CCDC144A: variants seen among roughly 807,000 people sequenced by gnomAD.
CCDC144A encodes coiled-coil domain-containing protein 144A.
A neutral mutation model predicts 143.8 loss-of-function variants in CCDC144A; 41 were observed. The ratio of observed to expected loss-of-function variants is 0.29; its 90% CI spans 0.22 to 0.37. CCDC144A has a LOEUF of 0.37. CCDC144A is among the 10% of genes least tolerant of loss of function. CCDC144A has a pLI of 1.00. For synonymous variants in CCDC144A, 242 were observed against 517.9 expected, an observed-to-expected ratio of 0.47 and a Z score of 7.23; for missense variants, 637 against 1,488.8, an observed-to-expected ratio of 0.43 and a Z score of 9.41.
At chr17:16,768,363 G>A (rs1915694849) in intron 15 of CCDC144A, among the ~76,000 whole-genome samples, 2 of 151,816 alleles carry the variant, frequency 1.3e-5, no homozygotes, top group South Asian at 4.2e-4. Context: ...ATACTTTAAG[G>A]CCCAGGGAAG....
chr17:16,718,603 A>T (rs1161415911), intron 6 of CCDC144A, among the ~76,000 whole-genome samples: 2 of 150,640 alleles, frequency 1.3e-5, no homozygotes, highest in Non-Finnish European at 3.0e-5. Context: ...TATCATATGC[A>T]GATTGTTTTT....
chr17:16,726,806 G>A (rs1276125845), intron 8 of CCDC144A, among the ~76,000 whole-genome samples: 8 of 149,382 alleles, frequency 5.4e-5, no homozygotes, highest in South Asian at 2.2e-4. Flanking sequence ...GTTCTGTTTC[G>A]TGATCTCTGT....
intron 15 of CCDC144A, chr17:16,767,294 CAA>C (rs765969718): frequency 2.4e-4 from 23 of 95,334 alleles, no homozygotes; most frequent in African/African-American, 3.6e-4. Flanking sequence ...GACTCCATCT[CAA>C]AAAAAAAAAA....
Position 16,699,000 on chromosome 17 carries a change from C to T in CCDC144A, c.415+5951C>T, listed in dbSNP as rs567488219. ...GTGCAGTTCCCTTTTCATTTACCCT[C>T]TTGTGATATTTCTGCTTTTACTGCT... On this transcript the variant is annotated intron_variant, in intron 2 of 16. Transcript: ENST00000399273. Among the ~76,000 whole-genome samples the T allele has an allele frequency of 5.3e-5, 8 of 152,308 alleles. No individual in the cohort carries two copies. The South Asian group carries it at 1.7e-3, about 32-fold the overall frequency.
At chr17:16,690,777 C>T (rs552448758) in intron 1 of CCDC144A, 33 bp downstream of exon 1, 3 of 1,554,874 alleles carry the variant, frequency 1.9e-6, no homozygotes, top group African/African-American at 1.4e-5. Flanking sequence ...GCCGTCCTGT[C>T]GGGGACACTG....
Position 16,690,721 on chromosome 17 carries a change from G to T in CCDC144A, c.321G>T (p.Val107=), listed in dbSNP as rs766805385. ...EHILAPGDTG[V]DKRDRKKSIQ... ...TCTTAGCTCCTGGAGACACTGGCGTGGACAAGAGGGATAGGAAGAAGAGGT... is the reference window on the plus strand; with the variant it reads ...TCTTAGCTCCTGGAGACACTGGCGTTGACAAGAGGGATAGGAAGAAGAGGT... The change falls in exon 1 of 17, where the codon GTG becomes GTT. Residue 107 remains valine (V), a synonymous_variant. Transcript: ENST00000399273. 3 of 1,608,288 alleles carry T rather than the reference G, an allele frequency of 1.9e-6. No homozygotes were observed. The highest frequency in any genetic ancestry group is 2.6e-6 in the Non-Finnish European group (3 of 1,175,568).
intron 2 of CCDC144A, among the ~76,000 whole-genome samples, chr17:16,703,699 G>A (rs1172015361): frequency 6.6e-6 from 1 of 151,982 alleles, no homozygotes; most frequent in Admixed American, 6.6e-5. Flanking sequence ...AGCTACTCGG[G>A]ACGCTGAGGC....
intron 8 of CCDC144A, chr17:16,727,273 T>C: frequency 2.8e-6 from 1 of 352,708 alleles, no homozygotes; most frequent in South Asian, 2.8e-5. Flanking sequence ...ATCATAGAAC[T>C]CTGTTTTCTT....
intron 1 of CCDC144A, among the ~76,000 whole-genome samples, chr17:16,691,408 AT>A (rs1208396164): frequency 6.6e-6 from 1 of 152,076 alleles, no homozygotes; most frequent in African/African-American, 2.4e-5. Flanking sequence ...AGTCTCAAGT[AT>A]GTTAGTTGGA....
At chr17:16,740,216 A>T (rs966303663) in intron 12 of CCDC144A, among the ~76,000 whole-genome samples, 7 of 152,138 alleles carry the variant, frequency 4.6e-5, no homozygotes, top group African/African-American at 1.7e-4. Flanking sequence ...ATCATGTTGC[A>T]GTTTACAGTT....
At chr17:16,724,619 C>T (rs1913288072) in intron 8 of CCDC144A, among the ~76,000 whole-genome samples, 1 of 150,914 alleles carries the variant, frequency 6.6e-6, no homozygotes, top group Non-Finnish European at 1.5e-5. Flanking sequence ...GTGCTCCATT[C>T]TTGCTGATTT....
the CCDC144A span, among the ~76,000 whole-genome samples, chr17:16,669,918 G>A: frequency 0.12 from 18,658 of 152,110 alleles, 1,305 homozygotes; most frequent in East Asian, 0.32. Context: ...GGCCAGGCCC[G>A]GTGGCTATAA....
chr17:16,682,429 C>G, the CCDC144A span, among the ~76,000 whole-genome samples: 1 of 151,910 alleles, frequency 6.6e-6, no homozygotes. Context: ...GACTGACACC[C>G]AAGTGAAGAA....
chr17:16,712,697 A>G (rs1217858663), intron 6 of CCDC144A, among the ~76,000 whole-genome samples: 4 of 152,204 alleles, frequency 2.6e-5, no homozygotes, highest in African/African-American at 9.6e-5. Context: ...GAAGTTGGAG[A>G]TAGTCTAAAT....
intron 2 of CCDC144A, among the ~76,000 whole-genome samples, chr17:16,703,701 C>G (rs7342865): frequency 0.014 from 2,044 of 150,122 alleles, 48 homozygotes; most frequent in African/African-American, 0.039. Flanking sequence ...CTACTCGGGA[C>G]GCTGAGGCAG....
At chr17:16,714,131 C>G (rs866200136) in intron 6 of CCDC144A, among the ~76,000 whole-genome samples, 39 of 152,320 alleles carry the variant, frequency 2.6e-4, no homozygotes, top group Middle Eastern at 3.4e-3. Context: ...TCCTGCCTTT[C>G]CAGTCCATCT....
At chr17:16,689,405 GCTGGCCTCAAACTC>G (rs1020801472), upstream of CCDC144A, 3 of 152,248 alleles carry the variant, frequency 2.0e-5, no homozygotes, top group Admixed American at 6.6e-5. Flanking sequence ...TGTTGGCCAG[GCTGGCCTCAAACTC>G]CTGACCTCAA....
At chr17:16,693,439 C>T (rs987341891) in intron 2 of CCDC144A, among the ~76,000 whole-genome samples, 2 of 151,748 alleles carry the variant, frequency 1.3e-5, no homozygotes, top group African/African-American at 4.8e-5. Flanking sequence ...CCTCAGCCTG[C>T]GGAGTAGCTG....
At chr17:16,671,026 C>T in the CCDC144A span, among the ~76,000 whole-genome samples, 2 of 151,336 alleles carry the variant, frequency 1.3e-5, no homozygotes, top group African/African-American at 4.9e-5. Flanking sequence ...CTCACCCTGT[C>T]ACCTGGTTGG....
Sources: allele counts gnomAD v4.1 joint callset (sites outside exome capture counted in the v4.1 genomes callset), GRCh38; gene constraint gnomAD v4.1.1; transcripts MANE v1.5; gene names NCBI Gene and HGNC (gene_info 2026-07-23, HGNC 2026-07-21).